Variants in UVRAG observed in about 807,000 individuals in gnomAD.
UVRAG encodes the protein UV radiation resistance associated, also known as UV radiation resistance-associated gene protein.
Under a neutral mutation model 78.0 loss-of-function variants are expected in UVRAG, and 19 were observed. The ratio of observed to expected loss-of-function variants is 0.24; its 90% confidence interval spans 0.17 to 0.36. The LOEUF is 0.36. Among genes scored for constraint, UVRAG ranks in the 10% least tolerant of loss-of-function variants. The pLI, the probability that UVRAG is intolerant of heterozygous loss-of-function variation, is 1.00. For missense variants in UVRAG, 740 were observed against 853.8 expected (o/e 0.87, Z 1.66); for synonymous variants, 323 against 324.6 (o/e 1.00, Z 0.05).
intron 12 of UVRAG, among the ~76,000 whole-genome samples, chr11:76,038,065 A>G (rs141989615): frequency 3.7e-3 from 558 of 152,338 alleles, no homozygotes; most frequent in Middle Eastern, 0.01. Flanking sequence ...GGGATTATCT[A>G]TTGGTTCTAG....
chr11:75,823,718 G>A (rs1764771635), intron 1 of UVRAG, among the ~76,000 whole-genome samples: 1 of 152,134 alleles, frequency 6.6e-6, no homozygotes, highest in Non-Finnish European at 1.5e-5. Context: ...ATTCTTTGCA[G>A]GGTTCTGGTG....
chr11:75,859,053 T>C (rs1946356968), intron 2 of UVRAG, among the ~76,000 whole-genome samples: 1 of 152,208 alleles, frequency 6.6e-6, no homozygotes, highest in Non-Finnish European at 1.5e-5. Context: ...GTCTTTTTCA[T>C]GTAGAAGTAG....
chr11:75,999,201 C>G (rs1293793703), intron 8 of UVRAG, among the ~76,000 whole-genome samples: 1 of 148,344 alleles, frequency 6.7e-6, no homozygotes, highest in African/African-American at 2.5e-5. Flanking sequence ...CCACTACACT[C>G]CAGCCTGGGT....
chr11:75,850,184 C>G (rs1179132131), intron 1 of UVRAG, among the ~76,000 whole-genome samples: 1 of 152,168 alleles, frequency 6.6e-6, no homozygotes, highest in Non-Finnish European at 1.5e-5. Context: ...AGGGTGTAGC[C>G]TTTGGTCCTT....
intron 4 of UVRAG, among the ~76,000 whole-genome samples, chr11:75,882,842 A>G (rs1946982180): frequency 6.6e-6 from 1 of 152,186 alleles, no homozygotes; most frequent in South Asian, 2.1e-4. Context: ...AGTGCATATA[A>G]TATATATGTT....
At chr11:76,015,165 C>CATATA (rs1950123818) in intron 11 of UVRAG, among the ~76,000 whole-genome samples, 1 of 152,038 alleles carries the variant, frequency 6.6e-6, no homozygotes, top group South Asian at 2.1e-4. Flanking sequence ...TAAGGTGGTA[C>CATATA]ACGTGTGTCA....
At position 75,819,774 on chromosome 11, in the gene UVRAG, G is replaced by T. The variant is rs1459927666; in HGVS notation, c.117+4250G>T. On this transcript the variant is annotated intron_variant, in intron 1 of 14. Transcript: ENST00000356136. Reference sequence around the variant, plus strand: ...ACTTGAGGTCAGGAGTTTGAGATCAGCCTGGCCAACATGGTGAAACCCTGT... The same window carrying T: ...ACTTGAGGTCAGGAGTTTGAGATCATCCTGGCCAACATGGTGAAACCCTGT... Among the ~76,000 whole-genome samples the T allele has an allele frequency of 2.0e-5, 3 of 151,470 alleles. No homozygotes were observed. The East Asian group carries it at 6.0e-4, about 30-fold the overall frequency.
chr11:75,912,075 A>C, intron 6 of UVRAG, 36 bp downstream of exon 6: 1 of 1,426,910 alleles, frequency 7.0e-7, no homozygotes, highest in South Asian at 1.2e-5. Flanking sequence ...AATTCTAAAG[A>C]ATCTTTCTCA....
At chr11:75,838,713 T>C (rs1192724692) in intron 1 of UVRAG, among the ~76,000 whole-genome samples, 2 of 152,188 alleles carry the variant, frequency 1.3e-5, no homozygotes, top group African/African-American at 2.4e-5. Flanking sequence ...TCTGTTTGAA[T>C]ATCTGTTGGA....
chr11:76,093,502 C>G (rs546262863), intron 13 of UVRAG, among the ~76,000 whole-genome samples: 4 of 152,286 alleles, frequency 2.6e-5, no homozygotes, highest in Non-Finnish European at 5.9e-5. Flanking sequence ...ATGGAATGTT[C>G]TTCCATTTGT....
chr11:76,009,391 T>A (rs1180857135), intron 11 of UVRAG, among the ~76,000 whole-genome samples: 1 of 152,140 alleles, frequency 6.6e-6, no homozygotes, highest in Non-Finnish European at 1.5e-5. Context: ...TAGAATATGA[T>A]CCTTAGTAAT....
chr11:75,974,527 C>T (rs11236590), intron 7 of UVRAG, among the ~76,000 whole-genome samples: 9 of 151,342 alleles, frequency 5.9e-5, no homozygotes, highest in South Asian at 4.2e-4. Flanking sequence ...CCACCGCGCC[C>T]GGCTAATTTT....
chr11:76,116,607 G>A (rs1952185398), intron 14 of UVRAG, among the ~76,000 whole-genome samples: 1 of 152,190 alleles, frequency 6.6e-6, no homozygotes, highest in African/African-American at 2.4e-5. Flanking sequence ...CTGATAGAAA[G>A]AAGACATTAG....
chr11:76,020,546 T>C (rs1412026312), intron 12 of UVRAG, among the ~76,000 whole-genome samples: 1 of 151,468 alleles, frequency 6.6e-6, no homozygotes, highest in Non-Finnish European at 1.5e-5. Context: ...GGGCCTGGAA[T>C]GGGGGCCTCA....
intron 13 of UVRAG, among the ~76,000 whole-genome samples, chr11:76,109,632 A>C (rs1335733624): frequency 6.6e-6 from 1 of 152,222 alleles, no homozygotes; most frequent in Admixed American, 6.5e-5. Context: ...GAGCTGATTC[A>C]CATTGCCTAG....
intron 14 of UVRAG, among the ~76,000 whole-genome samples, chr11:76,124,990 A>G (rs1201497186): frequency 6.6e-6 from 1 of 152,226 alleles, no homozygotes; most frequent in African/African-American, 2.4e-5. Context: ...ATGAGGCAGT[A>G]TCCAGTATTT....
At chr11:75,910,551 T>C (rs1442222231) in intron 5 of UVRAG, among the ~76,000 whole-genome samples, 1 of 151,322 alleles carries the variant, frequency 6.6e-6, no homozygotes, top group East Asian at 1.9e-4. Context: ...TTTTTTTTTT[T>C]TTTTGACAGT....
intron 6 of UVRAG, among the ~76,000 whole-genome samples, chr11:75,913,617 C>A (rs1473495216): frequency 6.6e-6 from 1 of 152,102 alleles, no homozygotes; most frequent in African/African-American, 2.4e-5. Context: ...TAGCCCTTGT[C>A]TTGATTGTAG....
At chr11:76,087,204 A>C (rs1467293945) in intron 13 of UVRAG, among the ~76,000 whole-genome samples, 1 of 152,224 alleles carries the variant, frequency 6.6e-6, no homozygotes, top group Non-Finnish European at 1.5e-5. Context: ...GTAGGTACAT[A>C]GGAATGCCAG....
Sources: gnomAD v4.1 joint callset for allele counts (sites outside exome capture counted in the v4.1 genomes callset) on GRCh38, gnomAD v4.1.1 for gene constraint, MANE v1.5 for transcripts, NCBI Gene and HGNC (gene_info 2026-07-23, HGNC 2026-07-21) for gene names.